KLHL29: variants seen among roughly 807,000 people sequenced by gnomAD.
The protein encoded by KLHL29 is kelch like family member 29, also known as kelch-like protein 29.
Under a neutral mutation model 80.4 loss-of-function variants are expected in KLHL29, and 21 were observed. The ratio of observed to expected loss-of-function variants is 0.26; its 90% CI spans 0.19 to 0.38. The LOEUF is 0.38. KLHL29 is among the 10% of genes least tolerant of loss of function. The pLI, the probability that KLHL29 is intolerant of heterozygous loss-of-function variation, is 1.00. For synonymous variants in KLHL29, 511 were observed against 526.8 expected (o/e 0.97, Z 0.41); for missense variants, 867 against 1,223.9 (o/e 0.71, Z 4.35).
intron 5 of KLHL29, among the ~76,000 whole-genome samples, chr2:23,658,698 T>A (rs1186917753): frequency 6.6e-6 from 1 of 152,178 alleles, no homozygotes; most frequent in Non-Finnish European, 1.5e-5. Context: ...TCCGCCCACC[T>A]TTCCCACAGC....
chr2:23,617,519 G>T (rs1572441778), intron 3 of KLHL29: 1 of 152,246 alleles, frequency 6.6e-6, no homozygotes, highest in African/African-American at 2.4e-5. Flanking sequence ...GTTAATAGGG[G>T]AAGGCTGTTT....
At chr2:23,489,023 G>A (rs1665013698) in intron 2 of KLHL29, among the ~76,000 whole-genome samples, 1 of 152,234 alleles carries the variant, frequency 6.6e-6, no homozygotes, top group Non-Finnish European at 1.5e-5. Context: ...TGCCCTGGTT[G>A]TGGACAGATT....
chr2:23,440,198 G>A (rs1215989056), intron 1 of KLHL29, among the ~76,000 whole-genome samples: 1 of 151,940 alleles, frequency 6.6e-6, no homozygotes, highest in African/African-American at 2.4e-5. Context: ...TCTGATCTTC[G>A]ACAAACATGC....
rs35002083 is a variant in KLHL29 at position 23,633,756 on chromosome 2, C to CTGTGTGTGTGTGTGTGTGT, written c.286-5383_286-5382insTGTGTGTGTGTGTGTGTGT. On this transcript the variant is annotated intron_variant, in intron 3 of 13. Coordinates refer to ENST00000486442, the MANE Select transcript of KLHL29 (RefSeq NM_052920.2). ...TCTCTGTCAAAAGAGTCACAGCACT[C>CTGTGTGTGTGTGTGTGTGT]GTGTGTGTGTGTGTGTGTGTGTGTG... Among the ~76,000 whole-genome samples the CTGTGTGTGTGTGTGTGTGT allele has an allele frequency of 1.9e-3, 273 of 147,234 alleles. 3 individuals are homozygous for CTGTGTGTGTGTGTGTGTGT. Among genetic ancestry groups the CTGTGTGTGTGTGTGTGTGT allele is most frequent in the Middle Eastern group, 0.014 (4 of 294 alleles).
intron 1 of KLHL29, among the ~76,000 whole-genome samples, chr2:23,460,752 C>T (rs1489278818): frequency 2.7e-5 from 4 of 148,032 alleles, no homozygotes; most frequent in South Asian, 2.2e-4. Context: ...AGGAGCTTCC[C>T]GTGAAGGGAG....
intron 1 of KLHL29, among the ~76,000 whole-genome samples, chr2:23,425,800 T>G (rs1662990480): frequency 1.3e-5 from 2 of 152,136 alleles, no homozygotes; most frequent in Non-Finnish European, 2.9e-5. Flanking sequence ...CCAGGTGGAA[T>G]TTTGTTCCTT....
intron 1 of KLHL29, among the ~76,000 whole-genome samples, chr2:23,430,309 T>C (rs1014939859): frequency 1.3e-5 from 2 of 152,236 alleles, no homozygotes; most frequent in African/African-American, 4.8e-5. Flanking sequence ...TACTAGTCCA[T>C]ACTGCTGCCT....
chr2:23,562,604 GTC>G lies in KLHL29; in HGVS notation c.285+125_285+126del. The stretch of plus-strand genomic sequence containing the variant: ...TGCTCCACGCCCCGAGTCCTCCAGA[GTC>G]TTGTCCTTCCAGGACCTGGGCCTGG... On this transcript the variant is annotated intron_variant, in intron 3 of 13. Transcript: ENST00000486442. The surrounding 1 kb of genome is among the most constrained non-coding windows in gnomAD (Gnocchi z 4.5). 1 of 974,594 alleles carries G rather than the reference GTC, an allele frequency of 1.0e-6. No homozygotes were observed. The highest frequency in any genetic ancestry group is 1.5e-6 in the Non-Finnish European group (1 of 680,500). The allele number at this position is 974,594 out of a possible 1,614,324, so 60.4% of individuals were successfully genotyped here.
chr2:23,670,954 CT>C (rs1670713092), intron 5 of KLHL29, among the ~76,000 whole-genome samples: 2 of 20,532 alleles, frequency 9.7e-5, no homozygotes, highest in Non-Finnish European at 2.6e-4. Flanking sequence ...CTCTCTCTCT[CT>C]CTCTCTCTCT....
chr2:23,572,184 C>T (rs532136512), intron 3 of KLHL29, among the ~76,000 whole-genome samples: 4 of 152,286 alleles, frequency 2.6e-5, no homozygotes, highest in African/African-American at 7.2e-5. Context: ...CACTGGAGAG[C>T]GTCACCCCAC....
At position 23,633,756 on chromosome 2, in the gene KLHL29, C is replaced by T. The variant is rs1669531004; in HGVS notation, c.286-5383C>T. On this transcript the variant is annotated intron_variant, in intron 3 of 13. Transcript: ENST00000486442. ...TCTCTGTCAAAAGAGTCACAGCACT[C>T]GTGTGTGTGTGTGTGTGTGTGTGTG... Among the ~76,000 whole-genome samples, 33 of 147,238 alleles carry T rather than the reference C, an allele frequency of 2.2e-4. 1 individual carries two copies. The highest frequency in any genetic ancestry group is 3.4e-3 in the Middle Eastern group (1 of 294).
At chr2:23,651,312 G>A (rs973520395) in intron 5 of KLHL29, among the ~76,000 whole-genome samples, 1 of 152,166 alleles carries the variant, frequency 6.6e-6, no homozygotes, top group African/African-American at 2.4e-5. Flanking sequence ...TGTCCTGGCA[G>A]CCTCTTGGAT....
chr2:23,690,667 G>A (rs541883270), intron 6 of KLHL29: 40 of 152,344 alleles, frequency 2.6e-4, no homozygotes, highest in African/African-American at 8.7e-4. Flanking sequence ...CCAAGCCGAC[G>A]GCCTGCGGGG....
intron 3 of KLHL29, among the ~76,000 whole-genome samples, chr2:23,633,322 A>T (rs1193208110): frequency 1.3e-5 from 2 of 152,150 alleles, no homozygotes; most frequent in Non-Finnish European, 2.9e-5. Context: ...TGTAATTAGA[A>T]TCCCACTATA....
At chr2:23,632,610 C>T (rs4665619) in intron 3 of KLHL29, among the ~76,000 whole-genome samples, 27,183 of 152,266 alleles carry the variant, frequency 0.18, 3,313 homozygotes, top group Admixed American at 0.31. Context: ...AGCCAGGGCC[C>T]GGTGGTCAGA....
intron 1 of KLHL29, among the ~76,000 whole-genome samples, chr2:23,449,899 A>T (rs1663820822): frequency 6.6e-6 from 1 of 152,166 alleles, no homozygotes; most frequent in African/African-American, 2.4e-5. Flanking sequence ...GGGGCTATCT[A>T]GCGAGGCTCT....
chr2:23,694,650 T>A (rs894812649), intron 8 of KLHL29, among the ~76,000 whole-genome samples: 5 of 152,190 alleles, frequency 3.3e-5, no homozygotes, highest in African/African-American at 1.2e-4. Flanking sequence ...CAAAATCCTG[T>A]TACATCTCGT....
At chr2:23,476,072 A>T (rs2103438538) in intron 2 of KLHL29, among the ~76,000 whole-genome samples, 1 of 152,114 alleles carries the variant, frequency 6.6e-6, no homozygotes, top group Non-Finnish European at 1.5e-5. Flanking sequence ...ACATGGTTTC[A>T]CCATGTTGGC....
chr2:23,474,927 T>A (rs756614835), intron 1 of KLHL29, among the ~76,000 whole-genome samples: 46 of 152,058 alleles, frequency 3.0e-4, no homozygotes, highest in Non-Finnish European at 5.6e-4. Context: ...TCTCATAGAT[T>A]ACATTTAAAA....
Sources: gnomAD v4.1 joint callset for allele counts (sites outside exome capture counted in the v4.1 genomes callset) on GRCh38, gnomAD v4.1.1 for gene constraint, Gnocchi (gnomAD v3.1) non-coding constraint, MANE v1.5 for transcripts, NCBI Gene and HGNC (gene_info 2026-07-23, HGNC 2026-07-21) for gene names.